CDC14A: variants seen among roughly 807,000 people sequenced by gnomAD.
CDC14A encodes the protein cell division cycle 14A, also known as dual specificity protein phosphatase CDC14A.
In CDC14A, 53 loss-of-function variants were observed where a neutral mutation model predicts 74.4. The observed-to-expected ratio is 0.71, with a 90% CI of 0.57 to 0.89. The LOEUF is 0.89. CDC14A is among the 40% of genes least tolerant of loss of function. The probability of loss-of-function intolerance (pLI) is 0.00; values close to 1 mark genes in which losing one functional copy is unlikely to be tolerated. For synonymous variants in CDC14A, 247 were observed against 258.4 expected, an observed-to-expected ratio of 0.96 and a Z score of 0.43; for missense variants, 646 against 713.7, an observed-to-expected ratio of 0.91 and a Z score of 1.08.
At chr1:100,513,078 G>A (rs944770249) in intron 15 of CDC14A, among the ~76,000 whole-genome samples, 1 of 152,100 alleles carries the variant, frequency 6.6e-6, no homozygotes, top group African/African-American at 2.4e-5. Context: ...AATACTTTCA[G>A]TATTGTGAAA....
At position 100,408,150 on chromosome 1, in the gene CDC14A, A is replaced by G. The variant is rs761082536; in HGVS notation, c.310-16072A>G. Among the ~76,000 whole-genome samples the G allele has an allele frequency of 4.6e-5, 7 of 152,262 alleles. No individual in the cohort carries two copies. In the South Asian group the frequency reaches 8.3e-4, roughly 18 times the overall value. ...TTCTCATCGTTTAGTTCCAGCTTATAAGTGAGAATATGCAGTATTTGGTTT... is the reference window on the plus strand; with the variant it reads ...TTCTCATCGTTTAGTTCCAGCTTATGAGTGAGAATATGCAGTATTTGGTTT... On this transcript the variant is annotated intron_variant, in intron 4 of 15. Transcript: ENST00000336454.
At chr1:100,449,695 T>C (rs141527605) in intron 7 of CDC14A, among the ~76,000 whole-genome samples, 1 of 152,324 alleles carries the variant, frequency 6.6e-6, no homozygotes, top group Non-Finnish European at 1.5e-5. Context: ...CGGGTACTTT[T>C]GGGCAGCAAC....
chr1:100,401,199 A>G (rs1305248081), intron 4 of CDC14A, among the ~76,000 whole-genome samples: 1 of 152,154 alleles, frequency 6.6e-6, no homozygotes, highest in Non-Finnish European at 1.5e-5. Context: ...ACTTTTTTTT[A>G]GCACTTGAAA....
chr1:100,452,438 G>A (rs1020995480), intron 7 of CDC14A, among the ~76,000 whole-genome samples: 6 of 152,180 alleles, frequency 3.9e-5, no homozygotes, highest in African/African-American at 1.4e-4. Flanking sequence ...CTTGAACCCG[G>A]AGGCAGAGGT....
chr1:100,352,525 C>G lies in CDC14A; in HGVS notation c.-430C>G. On this transcript the variant is annotated 5_prime_UTR_variant, in exon 1 of 16. Transcript: ENST00000336454. ...ATCCGGAGCAGCTGCTGCCAGCCCG[C>G]GGGCACTGAAGTCCTCCCGGCTGCC... 2 of 1,030,036 alleles carry G rather than the reference C, an allele frequency of 1.9e-6. No individual in the cohort carries two copies. 63.8% of individuals were successfully genotyped at this position (1,030,036 alleles called of 1,614,324 possible).
chr1:100,416,105 A>G (rs1457564470), intron 4 of CDC14A, among the ~76,000 whole-genome samples: 1 of 152,172 alleles, frequency 6.6e-6, no homozygotes, highest in East Asian at 1.9e-4. Context: ...AGAGACTTTA[A>G]AAGTTTTATG....
chr1:100,359,144 A>G lies in CDC14A; in HGVS notation c.140+5292A>G, dbSNP rs149928617. On this transcript the variant is annotated intron_variant, in intron 2 of 15. Transcript: ENST00000336454. ...TCATTGTGGGAATAATAATAAAGCC[A>G]TAGCAACAACAACAGCAGCAGCAGC... 1.9e-3 allele frequency among the ~76,000 whole-genome samples: 294 copies of G among 152,362 alleles called. 3 individuals are homozygous for G. Among genetic ancestry groups the G allele is most frequent in the African/African-American group, 6.9e-3 (285 of 41,570 alleles).
intron 3 of CDC14A, among the ~76,000 whole-genome samples, chr1:100,390,039 C>T (rs1217092022): frequency 3.9e-5 from 6 of 151,980 alleles, no homozygotes; most frequent in Admixed American, 6.6e-5. Context: ...TACAACATAC[C>T]ATGTTGATTA....
intron 6 of CDC14A, among the ~76,000 whole-genome samples, chr1:100,440,825 G>GTT (rs1446399645): frequency 1.3e-5 from 2 of 152,132 alleles, no homozygotes; most frequent in Admixed American, 6.6e-5. Flanking sequence ...TGTGCTACCT[G>GTT]TTTTATACAT....
intron 2 of CDC14A, among the ~76,000 whole-genome samples, chr1:100,376,493 C>T (rs111229680): frequency 1.2e-4 from 18 of 151,952 alleles, no homozygotes; most frequent in African/African-American, 4.1e-4. Flanking sequence ...GTTTTTTTGT[C>T]TGGAGGGATG....
chr1:100,412,723 T>TATATATATATATATATATATATA (rs1491148182), intron 4 of CDC14A, among the ~76,000 whole-genome samples: 20 of 83,712 alleles, frequency 2.4e-4, no homozygotes, highest in African/African-American at 1.7e-3. Flanking sequence ...TATATATATA[T>TATATATATATATATATATATATA]TTTATATATA....
intron 11 of CDC14A, among the ~76,000 whole-genome samples, chr1:100,489,766 A>G (rs1373468708): frequency 1.3e-5 from 2 of 152,234 alleles, no homozygotes; most frequent in African/African-American, 2.4e-5. Context: ...TGGGGGACAA[A>G]GATAGGAGGG....
intron 11 of CDC14A, among the ~76,000 whole-genome samples, chr1:100,490,708 G>A (rs1235376908): frequency 1.3e-5 from 2 of 152,160 alleles, no homozygotes; most frequent in Non-Finnish European, 2.9e-5. Context: ...GAGGGGGGTC[G>A]TGTGGGTGTA....
chr1:100,502,161 G>A (rs1033594597), intron 15 of CDC14A, among the ~76,000 whole-genome samples: 7 of 152,146 alleles, frequency 4.6e-5, no homozygotes, highest in Non-Finnish European at 1.0e-4. Flanking sequence ...TATAACCTAA[G>A]TGTACAGCAT....
At chr1:100,447,142 G>T (rs565248348) in intron 7 of CDC14A, among the ~76,000 whole-genome samples, 1 of 152,312 alleles carries the variant, frequency 6.6e-6, no homozygotes, top group East Asian at 1.9e-4. Context: ...GTGACATGAA[G>T]CCTAGGTTAT....
intron 4 of CDC14A, among the ~76,000 whole-genome samples, chr1:100,420,082 A>ATATATATATAT (rs58124351): frequency 2.4e-4 from 25 of 105,524 alleles, no homozygotes; most frequent in African/African-American, 4.3e-4. Context: ...ATATATATAT[A>ATATATATATAT]GTGTGTATGT....
chr1:100,371,114 G>T (rs77468408), intron 2 of CDC14A, among the ~76,000 whole-genome samples: 1 of 152,116 alleles, frequency 6.6e-6, no homozygotes, highest in African/African-American at 2.4e-5. Context: ...AATATTATTG[G>T]TGTATGGAAA....
At chr1:100,441,852 A>G (rs1445174949) in intron 6 of CDC14A, among the ~76,000 whole-genome samples, 1 of 152,166 alleles carries the variant, frequency 6.6e-6, no homozygotes, top group Non-Finnish European at 1.5e-5. Flanking sequence ...TGCTTCTTTC[A>G]TATGAATTAC....
chr1:100,495,970 G>A (rs1254406833), intron 12 of CDC14A, 32 bp from the exon 13 acceptor site: 1 of 1,599,192 alleles, frequency 6.3e-7, no homozygotes, highest in Non-Finnish European at 8.6e-7. Flanking sequence ...GTGCCCTGGT[G>A]ATATGTGAGC....
Sources: gnomAD v4.1 joint callset for allele counts (sites outside exome capture counted in the v4.1 genomes callset) on GRCh38, gnomAD v4.1.1 for gene constraint, MANE v1.5 for transcripts, NCBI Gene and HGNC (gene_info 2026-07-23, HGNC 2026-07-21) for gene names.